MAD1L1: variants seen among roughly 807,000 people sequenced by gnomAD.
MAD1L1 encodes mitotic spindle assembly checkpoint protein MAD1.
Under a neutral mutation model 96.9 loss-of-function variants are expected in MAD1L1, and 95 were observed. The ratio of observed to expected loss-of-function variants is 0.98; its 90% CI spans 0.83 to 1.16. The LOEUF (loss-of-function observed/expected upper bound fraction) is 1.16, where lower values mean the gene tolerates loss of function less well. Ranked by LOEUF, MAD1L1 falls within the 50% of genes most tolerant of loss-of-function variation. The pLI is 0.00. For synonymous variants in MAD1L1, 473 were observed against 396.6 expected, an observed-to-expected ratio of 1.19 and a Z score of -2.29; for missense variants, 1,007 against 954.4, an observed-to-expected ratio of 1.06 and a Z score of -0.73.
intron 16 of MAD1L1, among the ~76,000 whole-genome samples, chr7:1,942,479 G>A (rs1045310962): frequency 1.2e-4 from 18 of 152,218 alleles, no homozygotes; most frequent in African/African-American, 3.9e-4. Flanking sequence ...AAGTGCAGGG[G>A]TAATGGGAGC....
At position 1,936,771 on chromosome 7, in the gene MAD1L1, G is replaced by A. The variant is rs1163579148; in HGVS notation, c.1723C>T (p.Leu575=). 3 of 1,574,844 alleles carry A rather than the reference G, an allele frequency of 1.9e-6. No homozygotes were observed. The highest frequency in any genetic ancestry group is 2.6e-6 in the Non-Finnish European group (3 of 1,161,532). The change falls in exon 17 of 19, where the codon CTG becomes TTG. Residue 575 remains leucine (L), a synonymous_variant. Transcript: ENST00000265854. Reference sequence around the variant, plus strand: ...GTGCCTCCTCTCTCCATGGCGCGCAGGAGCCCGCGCAGTCGCTCGCACTCC... The same window carrying A: ...GTGCCTCCTCTCTCCATGGCGCGCAAGAGCCCGCGCAGTCGCTCGCACTCC... ...QAECERLRGL[L]RAMERGGTVP... is the part of the protein sequence containing the mutation.
intron 18 of MAD1L1, among the ~76,000 whole-genome samples, chr7:1,820,012 T>C (rs1410080291): frequency 2.0e-5 from 3 of 151,866 alleles, no homozygotes; most frequent in Non-Finnish European, 4.4e-5. Context: ...ACGCAGGAAA[T>C]GGAAACGATG....
chr7:1,996,777 G>A (rs1781580311), intron 14 of MAD1L1, among the ~76,000 whole-genome samples: 1 of 152,162 alleles, frequency 6.6e-6, no homozygotes, highest in South Asian at 2.1e-4. Context: ...TGCTTAATCA[G>A]AGCTGAGAGC....
At position 2,069,250 on chromosome 7, in the gene MAD1L1, C is replaced by T. The variant is rs776171662; in HGVS notation, c.1162G>A (p.Glu388Lys). 8 of 1,612,012 alleles carry T rather than the reference C, an allele frequency of 5.0e-6. No individual in the cohort carries two copies. The highest frequency in any genetic ancestry group is 3.3e-5 in the Admixed American group (2 of 59,918). Residue 388 changes from glutamate to lysine, a missense_variant, in exon 12 of 19, where the codon GAG (glutamate) becomes AAG (lysine). Physicochemically the swap from Glu to Lys is moderately conservative, Grantham distance 56. Transcript: ENST00000265854. ...GQLLEERKKR[E>K]THEALARRLQ... ...CTCCGGGCCAGCGCCTCGTGGGTCT[C>T]GCGCTTCTTCCTCTCCTCCAACAGC... is the stretch of plus-strand genomic sequence containing the variant.
At position 2,149,033 on chromosome 7, in the gene MAD1L1, G is replaced by A. The variant is rs1434370558; in HGVS notation, c.1073+119C>T. 3.5e-6 allele frequency: 3 copies of A among 861,370 alleles called. No homozygotes were observed. In the African/African-American group the frequency reaches 4.9e-5, roughly 14 times the overall value. 53.4% of individuals were successfully genotyped at this position (861,370 alleles called of 1,614,324 possible). ...GCTCCCCCATCTCCTCCCAGACCAG[G>A]GCCAACCACATGATGAAGGACAGCC... On this transcript the variant is annotated intron_variant, in intron 11 of 18. Coordinates refer to ENST00000265854, the MANE Select transcript of MAD1L1 (RefSeq NM_001013836.2).
At chr7:2,077,060 A>ATGGTGAGCCCAAGACAGAGTTACGACT in intron 11 of MAD1L1, among the ~76,000 whole-genome samples, 1 of 148,782 alleles carries the variant, frequency 6.7e-6, no homozygotes, top group African/African-American at 2.6e-5. Context: ...AGCCCGCGGC[A>ATGGTGAGCCCAAGACAGAGTTACGACT]TGGTGAGCCC....
chr7:2,202,483 C>A (rs1022286507), intron 10 of MAD1L1, among the ~76,000 whole-genome samples: 1 of 152,218 alleles, frequency 6.6e-6, no homozygotes, highest in Non-Finnish European at 1.5e-5. Context: ...AGATCATGGG[C>A]TCCACAAGAG....
chr7:1,923,364 G>T (rs1788906062), intron 17 of MAD1L1, among the ~76,000 whole-genome samples: 1 of 151,576 alleles, frequency 6.6e-6, no homozygotes, highest in South Asian at 2.1e-4. Flanking sequence ...CTTGTCAAGA[G>T]AAGCCTGAGA....
chr7:1,876,943 TG>T lies in MAD1L1; in HGVS notation c.1998+21256del, dbSNP rs1322792082. ...CCCGCCCTGGTCCTCCTCCCACTAC[TG>T]CCAGAAGCAGTAAATATGTGAATAC... On this transcript the variant is annotated intron_variant, in intron 18 of 18. Coordinates refer to ENST00000265854, the MANE Select transcript of MAD1L1 (RefSeq NM_001013836.2). 3.4e-5 allele frequency among the ~76,000 whole-genome samples: 4 copies of T among 118,300 alleles called. 2 individuals carry two copies. Among genetic ancestry groups the T allele is most frequent in the Non-Finnish European group, 7.6e-5 (4 of 52,506 alleles). 77.6% of individuals were successfully genotyped at this position (118,300 alleles called of 152,430 possible). A position where few individuals can be genotyped will look rare whatever the true frequency, so the allele number is the denominator to read the frequency against.
At chr7:2,003,598 G>A (rs764879065) in intron 13 of MAD1L1, among the ~76,000 whole-genome samples, 34 of 152,224 alleles carry the variant, frequency 2.2e-4, no homozygotes, top group Middle Eastern at 6.8e-3. Flanking sequence ...GAGCACCTGA[G>A]CCTCCCAAGC....
Position 1,816,214 on chromosome 7 carries a change from C to G in MAD1L1, c.2013G>C (p.Ser671=). 3.1e-6 allele frequency: 5 copies of G among 1,612,580 alleles called. No individual in the cohort carries two copies. The highest frequency in any genetic ancestry group is 4.2e-6 in the Non-Finnish European group (5 of 1,179,482). ...TCTCCAGTAGCTGCATCTTGGAACC[C>G]GAGGGGCTGGTGGCCTGCGGGGCAG... ...DCLIFKATSP[S]GSKMQLLETE... is the part of the protein sequence containing the mutation. Residue 671 remains serine, a synonymous_variant, in exon 19 of 19, where the codon TCG becomes TCC. Transcript: ENST00000265854.
At chr7:1,844,936 G>C (rs1000230071) in intron 18 of MAD1L1, among the ~76,000 whole-genome samples, 1 of 152,240 alleles carries the variant, frequency 6.6e-6, no homozygotes, top group African/African-American at 2.4e-5. Context: ...CAGTGAGTGG[G>C]CACAGCCAGG....
At chr7:2,001,783 G>A (rs1030678775) in intron 14 of MAD1L1, among the ~76,000 whole-genome samples, 7 of 152,306 alleles carry the variant, frequency 4.6e-5, no homozygotes, top group Admixed American at 2.0e-4. Flanking sequence ...GCTTTGCCCC[G>A]ACACCGTGGC....
chr7:1,870,254 C>T (rs376972298), intron 18 of MAD1L1, among the ~76,000 whole-genome samples: 24 of 150,636 alleles, frequency 1.6e-4, no homozygotes, highest in East Asian at 7.7e-4. Context: ...ACACCTGCCA[C>T]GCTGAACCCA....
chr7:1,891,762 G>A (rs1164874913), intron 18 of MAD1L1, among the ~76,000 whole-genome samples: 1 of 152,102 alleles, frequency 6.6e-6, no homozygotes, highest in Non-Finnish European at 1.5e-5. Context: ...TAAATATTTT[G>A]TAGACACAGG....
intron 10 of MAD1L1, among the ~76,000 whole-genome samples, chr7:2,210,513 CGGG>C (rs1792877855): frequency 7.8e-6 from 1 of 128,844 alleles, no homozygotes; most frequent in Non-Finnish European, 1.7e-5. Context: ...GAGCCGTATT[CGGG>C]ACCGCCAGCC....
At chr7:1,908,101 G>A (rs1325404902) in intron 17 of MAD1L1, among the ~76,000 whole-genome samples, 1 of 152,208 alleles carries the variant, frequency 6.6e-6, no homozygotes, top group East Asian at 1.9e-4. Context: ...AGCACAGCCT[G>A]GGCACAGCAC....
chr7:2,078,117 G>A (rs3778944), intron 11 of MAD1L1, among the ~76,000 whole-genome samples: 5,351 of 152,182 alleles, frequency 0.035, 136 homozygotes, highest in East Asian at 0.092. Context: ...CCCCAGCTCC[G>A]GCCTGGAGAC....
At chr7:2,172,138 T>G (rs779140466) in intron 10 of MAD1L1, among the ~76,000 whole-genome samples, 2 of 152,132 alleles carry the variant, frequency 1.3e-5, no homozygotes, top group Non-Finnish European at 2.9e-5. Context: ...CAGGGAGGAC[T>G]GCTGGAGTGA....
Sources: gnomAD v4.1 joint callset for allele counts (sites outside exome capture counted in the v4.1 genomes callset) on GRCh38, gnomAD v4.1.1 for gene constraint, MANE v1.5 for transcripts, NCBI Gene and HGNC (gene_info 2026-07-23, HGNC 2026-07-21) for gene names.